Variants in DIP2C observed in about 807,000 individuals in gnomAD.
The protein encoded by DIP2C is DIP2 acetate--CoA ligase C (putative).
In DIP2C, 33 loss-of-function variants were observed where a neutral mutation model predicts 192.4. The observed-to-expected ratio is 0.17, with a 90% confidence interval of 0.13 to 0.23. The LOEUF is 0.23. Among genes scored for constraint, DIP2C ranks in the 10% least tolerant of loss-of-function variants. The pLI is 1.00. For synonymous variants in DIP2C, 979 were observed against 864.1 expected (o/e 1.13, Z -2.33); for missense variants, 1,537 against 2,110.1 (o/e 0.73, Z 5.32).
intron 32 of DIP2C, among the ~76,000 whole-genome samples, chr10:289,760 G>A (rs1467452692): frequency 2.6e-5 from 4 of 152,202 alleles, no homozygotes; most frequent in African/African-American, 9.7e-5. Flanking sequence ...GCACGAGGGA[G>A]GCCACGGAGG....
intron 1 of DIP2C, among the ~76,000 whole-genome samples, chr10:633,802 T>G (rs1490839166): frequency 2.0e-5 from 3 of 152,236 alleles, no homozygotes; most frequent in Non-Finnish European, 4.4e-5. Flanking sequence ...CGAGTTTTCC[T>G]GGGTTAGGTA....
At chr10:548,309 C>G (rs181247577) in intron 1 of DIP2C, among the ~76,000 whole-genome samples, 1 of 149,952 alleles carries the variant, frequency 6.7e-6, no homozygotes, top group East Asian at 2.0e-4. Flanking sequence ...CAGAGACCTA[C>G]GGCTGGAAGG....
chr10:339,924 T>G (rs988076299), intron 29 of DIP2C, among the ~76,000 whole-genome samples: 2 of 152,190 alleles, frequency 1.3e-5, no homozygotes, highest in African/African-American at 4.8e-5. Context: ...AAAATCTGAC[T>G]GGGTGCGGTG....
rs1954415546 is a variant in DIP2C at position 274,434 on chromosome 10, AGGG to A, written c.*2888_*2890del. The A allele has an allele frequency of 6.6e-6, 1 of 152,216 alleles. No homozygotes were observed. The highest frequency in any genetic ancestry group is 2.4e-5 in the African/African-American group (1 of 41,446). 9.4% of individuals were successfully genotyped at this position (152,216 alleles called of 1,614,324 possible). ...TTAAAGCTGTCCCAGACATCTTTCC[AGGG>A]GACCAATTAAGAAACTGCTATTTTC... is the stretch of plus-strand genomic sequence containing the variant. On this transcript the variant is annotated 3_prime_UTR_variant, in exon 37 of 37. Transcript: ENST00000280886.
intron 1 of DIP2C, among the ~76,000 whole-genome samples, chr10:595,189 C>T (rs1851632516): frequency 6.6e-6 from 1 of 152,180 alleles, no homozygotes; most frequent in East Asian, 1.9e-4. Context: ...CTGACAGTCT[C>T]AAAACAAAGA....
chr10:666,878 C>T lies in DIP2C; in HGVS notation c.85+22616G>A, dbSNP rs919410624. 2 of 152,328 alleles carry T rather than the reference C, an allele frequency of 1.3e-5. No homozygotes were observed. The highest frequency in any genetic ancestry group is 4.8e-5 in the African/African-American group (2 of 41,422). The allele number at this position is 152,328 out of a possible 1,614,324, so 9.4% of individuals were successfully genotyped here. The stretch of plus-strand genomic sequence containing the variant: ...CAAGCTGCCCCAAGAAGCAGTGCGC[C>T]TCCCAAAATCAGAAGCAGCTAAGCT... On this transcript the variant is annotated intron_variant, in intron 1 of 36. Coordinates refer to ENST00000280886, the MANE Select transcript of DIP2C (RefSeq NM_014974.3). The surrounding 1 kb of genome is among the most constrained non-coding windows in gnomAD (Gnocchi z 4.1).
chr10:348,569 A>G, intron 26 of DIP2C, 72 bp downstream of exon 26: 1 of 1,565,254 alleles, frequency 6.4e-7, no homozygotes, highest in Middle Eastern at 1.7e-4. Context: ...AAGAGATGTC[A>G]GAGTCTGCGC....
chr10:525,487 A>G (rs148204849), intron 1 of DIP2C, among the ~76,000 whole-genome samples: 1 of 152,370 alleles, frequency 6.6e-6, no homozygotes, highest in East Asian at 1.9e-4. Flanking sequence ...CTTCTCATAC[A>G]GAACAAATAC....
At chr10:414,739 G>GTGTGTGTGTGTGTA in intron 7 of DIP2C, among the ~76,000 whole-genome samples, 5 of 90,538 alleles carry the variant, frequency 5.5e-5, no homozygotes, top group African/African-American at 4.5e-5. Context: ...GTGTGTGTGT[G>GTGTGTGTGTGTGTA]TACATATATA....
chr10:614,546 G>A (rs545069964), intron 1 of DIP2C, among the ~76,000 whole-genome samples: 20 of 152,334 alleles, frequency 1.3e-4, no homozygotes, highest in Non-Finnish European at 1.8e-4. Context: ...AGGCACAGCC[G>A]TGCAAGAGAA....
chr10:525,451 G>A (rs138079089), intron 1 of DIP2C, among the ~76,000 whole-genome samples: 12 of 152,320 alleles, frequency 7.9e-5, no homozygotes, highest in Non-Finnish European at 1.3e-4. Context: ...ATACTAATTA[G>A]TAAAACAACA....
At chr10:343,062 G>A (rs936782681) in intron 28 of DIP2C, among the ~76,000 whole-genome samples, 1 of 152,148 alleles carries the variant, frequency 6.6e-6, no homozygotes, top group African/African-American at 2.4e-5. Flanking sequence ...GGCCGAGGCG[G>A]GCAGATCACA....
chr10:591,578 CAGA>C (rs1224600912), intron 1 of DIP2C, among the ~76,000 whole-genome samples: 1 of 152,204 alleles, frequency 6.6e-6, no homozygotes, highest in African/African-American at 2.4e-5. Flanking sequence ...CCAATTTGCA[CAGA>C]AGTTTACAAA....
intron 1 of DIP2C, among the ~76,000 whole-genome samples, chr10:502,372 A>T (rs1345408022): frequency 2.6e-5 from 4 of 152,222 alleles, no homozygotes; most frequent in African/African-American, 9.7e-5. Context: ...AAGTGAACTG[A>T]AACAAAAATT....
chr10:422,757 CAG>C (rs2133165717), intron 5 of DIP2C, 65 bp downstream of exon 5: 3 of 1,529,326 alleles, frequency 2.0e-6, no homozygotes, highest in Admixed American at 1.8e-5. Context: ...ACGATGCAAA[CAG>C]AGAATGTGCA....
At chr10:351,129 G>A (rs939907985) in intron 24 of DIP2C, among the ~76,000 whole-genome samples, 2 of 152,222 alleles carry the variant, frequency 1.3e-5, no homozygotes, top group Admixed American at 1.3e-4. Context: ...GAAGGCGCAG[G>A]GAGAGAGGCC....
chr10:442,636 C>T (rs1376006777), intron 3 of DIP2C, among the ~76,000 whole-genome samples: 2 of 152,230 alleles, frequency 1.3e-5, no homozygotes, highest in South Asian at 4.1e-4. Context: ...TCCTATCTTA[C>T]ACCACTGCTC....
chr10:516,200 G>C (rs1284595130), intron 1 of DIP2C, among the ~76,000 whole-genome samples: 3 of 144,538 alleles, frequency 2.1e-5, no homozygotes, highest in Non-Finnish European at 4.5e-5. Flanking sequence ...GGGCAGGAAA[G>C]ATGGAGCTGA....
rs202235574 is a variant in DIP2C, at chr10:413,897, T to C, written c.1057+16A>G. The C allele has an allele frequency of 3.0e-5, 49 of 1,609,796 alleles. No homozygotes were observed. In the African/African-American group the frequency reaches 5.2e-4, roughly 17 times the overall value. ...GAGGGGGTGGGCAAAGGGCAGAGAG[T>C]GAGCCTGGGGATTACCGTAAGTGAG... On this transcript the variant is annotated intron_variant, in intron 8 of 36. Transcript: ENST00000280886.
Sources: allele counts gnomAD v4.1 joint callset (sites outside exome capture counted in the v4.1 genomes callset), GRCh38; gene constraint gnomAD v4.1.1; non-coding constraint Gnocchi (gnomAD v3.1); transcripts MANE v1.5; gene names NCBI Gene and HGNC (gene_info 2026-07-23, HGNC 2026-07-21).